The following ZBTB20 variants were observed in gnomAD, a reference collection of about 807,000 sequenced individuals.
ZBTB20 encodes the protein zinc finger and BTB domain-containing protein 20.
Under a neutral mutation model 56.9 loss-of-function variants are expected in ZBTB20, and 9 were observed. That is an observed-to-expected ratio of 0.16 (90% CI 0.10 to 0.28). The LOEUF is 0.28. Ranked by LOEUF, ZBTB20 falls within the 10% of genes least tolerant of loss-of-function variation. The pLI is 1.00. For synonymous variants in ZBTB20, 417 were observed against 420.7 expected (o/e 0.99, Z 0.11); for missense variants, 655 against 1,003.0 (o/e 0.65, Z 4.69).
intron 7 of ZBTB20, among the ~76,000 whole-genome samples, chr3:114,413,366 C>G (rs1559756723): frequency 6.6e-6 from 1 of 152,078 alleles, no homozygotes; most frequent in Non-Finnish European, 1.5e-5. Flanking sequence ...AGGCAATCAA[C>G]TTATAAAATT....
At chr3:114,706,074 T>C (rs1049185606) in intron 5 of ZBTB20, among the ~76,000 whole-genome samples, 13 of 152,178 alleles carry the variant, frequency 8.5e-5, no homozygotes, top group Non-Finnish European at 1.5e-4. Flanking sequence ...ATAGGAAGAA[T>C]ATGATGTAGA....
At chr3:114,584,697 C>T (rs557692333) in intron 6 of ZBTB20, among the ~76,000 whole-genome samples, 1 of 152,156 alleles carries the variant, frequency 6.6e-6, no homozygotes, top group Non-Finnish European at 1.5e-5. Flanking sequence ...AAAGTTAAGC[C>T]TCATCACCAC....
At chr3:115,137,458 T>C (rs2107333689) in intron 1 of ZBTB20, among the ~76,000 whole-genome samples, 1 of 152,202 alleles carries the variant, frequency 6.6e-6, no homozygotes. Context: ...TAATCCAAAG[T>C]CATGTACACT....
chr3:114,476,488 A>G (rs1185232925), intron 7 of ZBTB20, among the ~76,000 whole-genome samples: 3 of 152,240 alleles, frequency 2.0e-5, no homozygotes, highest in African/African-American at 7.2e-5. Flanking sequence ...ACAGTTCTGG[A>G]GGTTGGGATG....
intron 4 of ZBTB20, among the ~76,000 whole-genome samples, chr3:114,806,704 T>A (rs959966518): frequency 5.3e-5 from 8 of 151,994 alleles, no homozygotes; most frequent in African/African-American, 1.7e-4. Flanking sequence ...CCTGTTTTCT[T>A]CTAGAAATTT....
intron 4 of ZBTB20, among the ~76,000 whole-genome samples, chr3:114,874,974 C>G (rs1005376996): frequency 4.6e-5 from 7 of 152,136 alleles, no homozygotes; most frequent in African/African-American, 1.7e-4. Context: ...TAAGCAATGT[C>G]CTGCCCAAAC....
At chr3:114,585,300 G>A (rs62266260) in intron 6 of ZBTB20, among the ~76,000 whole-genome samples, 720 of 152,232 alleles carry the variant, frequency 4.7e-3, no homozygotes, top group Admixed American at 0.011. Context: ...AAGAGCATGG[G>A]TCTGATTAGG....
chr3:114,671,107 G>C (rs1274100880), intron 6 of ZBTB20, among the ~76,000 whole-genome samples: 1 of 152,120 alleles, frequency 6.6e-6, no homozygotes, highest in Non-Finnish European at 1.5e-5. Context: ...TAGATTGTTT[G>C]TAAGTAGGCG....
intron 4 of ZBTB20, among the ~76,000 whole-genome samples, chr3:114,821,879 G>T (rs1036700460): frequency 2.6e-5 from 4 of 152,190 alleles, no homozygotes; most frequent in African/African-American, 9.6e-5. Flanking sequence ...TTAAAGTGAA[G>T]ATAATTTTTC....
intron 2 of ZBTB20, among the ~76,000 whole-genome samples, chr3:115,002,792 T>C (rs1335171111): frequency 1.3e-5 from 2 of 151,648 alleles, no homozygotes; most frequent in Non-Finnish European, 3.0e-5. Flanking sequence ...ACACTTACCA[T>C]ATGATCTAGC....
intron 5 of ZBTB20, among the ~76,000 whole-genome samples, chr3:114,709,997 C>T (rs1397787086): frequency 6.6e-6 from 1 of 152,214 alleles, no homozygotes; most frequent in East Asian, 1.9e-4. Flanking sequence ...AGAGTTTCAC[C>T]TTCCTATGAA....
At chr3:114,556,680 G>A (rs1386188471) in intron 6 of ZBTB20, among the ~76,000 whole-genome samples, 1 of 151,890 alleles carries the variant, frequency 6.6e-6, no homozygotes, top group African/African-American at 2.4e-5. Flanking sequence ...TGTTCCCCTC[G>A]CAGATGAGTT....
chr3:114,714,753 C>A (rs2064343783), intron 5 of ZBTB20, among the ~76,000 whole-genome samples: 1 of 152,136 alleles, frequency 6.6e-6, no homozygotes, highest in Non-Finnish European at 1.5e-5. Context: ...AGGCATTATG[C>A]AAATGACAAC....
chr3:115,008,499 C>G (rs761915115), intron 2 of ZBTB20, among the ~76,000 whole-genome samples: 1 of 151,832 alleles, frequency 6.6e-6, no homozygotes, highest in African/African-American at 2.4e-5. Flanking sequence ...ACATAAAGAA[C>G]ATCTTTTTGT....
chr3:114,903,227 T>C (rs1576281999), intron 3 of ZBTB20, among the ~76,000 whole-genome samples: 1 of 152,090 alleles, frequency 6.6e-6, no homozygotes, highest in Admixed American at 6.6e-5. Context: ...CCTAAGCAAT[T>C]TAAATTTTCT....
At chr3:114,468,098 CA>C (rs1209404375) in intron 7 of ZBTB20, among the ~76,000 whole-genome samples, 1 of 152,022 alleles carries the variant, frequency 6.6e-6, no homozygotes, top group East Asian at 1.9e-4. Flanking sequence ...TTTATGTCAC[CA>C]AAAGGTGCTT....
In ZBTB20 at chr3:115,109,374, G is replaced by A. The variant is rs74357269; in HGVS notation, c.-703+37845C>T. 3.8e-3 allele frequency among the ~76,000 whole-genome samples: 580 copies of A among 152,172 alleles called. 2 individuals are homozygous for A. The highest frequency in any genetic ancestry group is 0.012 in the African/African-American group (505 of 41,520). On this transcript the variant is annotated intron_variant, in intron 1 of 11. Coordinates refer to ENST00000675478, the MANE Select transcript of ZBTB20 (RefSeq NM_001348800.3). ...AGATCCTTACTGTTTGACCTGGTGC[G>A]GCTATACTCAAAAACTCAATAGTCT...
At chr3:115,013,266 C>A (rs2079799252) in intron 2 of ZBTB20, among the ~76,000 whole-genome samples, 1 of 151,172 alleles carries the variant, frequency 6.6e-6, no homozygotes, top group Admixed American at 6.6e-5. Flanking sequence ...GATCGCTAAA[C>A]AAAAAGTTGT....
In ZBTB20 at chr3:114,333,667, C is replaced by T. The variant is rs2079348172; in HGVS notation, c.*5338G>A. The T allele has an allele frequency of 6.6e-6, 1 of 151,210 alleles. No individual in the cohort carries two copies. The highest frequency in any genetic ancestry group is 2.4e-5 in the African/African-American group (1 of 41,114). The allele number at this position is 151,210 out of a possible 1,614,324, so 9.4% of individuals were successfully genotyped here. On this transcript the variant is annotated 3_prime_UTR_variant, in exon 12 of 12. Transcript: ENST00000675478. ...GTTCTGTCTTCAGTATCCTATTTTT[C>T]TTTTTTTTTAATTTCTTTTTCTGAG...
Sources: allele counts gnomAD v4.1 joint callset (sites outside exome capture counted in the v4.1 genomes callset), GRCh38; gene constraint gnomAD v4.1.1; transcripts MANE v1.5; gene names NCBI Gene and HGNC (gene_info 2026-07-23, HGNC 2026-07-21).